The following PDE7B variants were observed in gnomAD, a reference collection of about 807,000 sequenced individuals.
The protein encoded by PDE7B is 3',5'-cyclic-AMP phosphodiesterase 7B.
Under a neutral mutation model 56.2 loss-of-function variants are expected in PDE7B, and 29 were observed. The ratio of observed to expected loss-of-function variants is 0.52; its 90% CI spans 0.38 to 0.70. The LOEUF is 0.70. Among genes scored for constraint, PDE7B ranks in the 30% least tolerant of loss-of-function variants. The pLI is 0.00. For missense variants in PDE7B, 490 were observed against 565.0 expected, an observed-to-expected ratio of 0.87 and a Z score of 1.35; for synonymous variants, 197 against 196.9, an observed-to-expected ratio of 1.00 and a Z score of 0.00.
chr6:136,078,689 C>T (rs921191004), intron 2 of PDE7B, among the ~76,000 whole-genome samples: 5 of 151,922 alleles, frequency 3.3e-5, no homozygotes, highest in Admixed American at 6.6e-5. Flanking sequence ...AAAAACCTGC[C>T]GTCTCCTAAA....
intron 2 of PDE7B, among the ~76,000 whole-genome samples, chr6:136,011,227 G>A (rs1453676973): frequency 6.6e-6 from 1 of 152,074 alleles, no homozygotes; most frequent in Non-Finnish European, 1.5e-5. Flanking sequence ...TTATAGCAGA[G>A]ATCAGGGTAT....
At chr6:135,935,406 T>A (rs1448996149) in intron 1 of PDE7B, among the ~76,000 whole-genome samples, 1 of 151,218 alleles carries the variant, frequency 6.6e-6, no homozygotes, top group African/African-American at 2.4e-5. Flanking sequence ...TAATCTGAAC[T>A]AATTTAAGTA....
intron 1 of PDE7B, among the ~76,000 whole-genome samples, chr6:135,922,938 G>A (rs1300459574): frequency 6.6e-6 from 1 of 152,080 alleles, no homozygotes; most frequent in Non-Finnish European, 1.5e-5. Context: ...ATTTGGCTGT[G>A]TTCTATCTTT....
intron 2 of PDE7B, among the ~76,000 whole-genome samples, chr6:136,026,371 C>T (rs1288333403): frequency 6.6e-6 from 1 of 152,174 alleles, no homozygotes; most frequent in Non-Finnish European, 1.5e-5. Flanking sequence ...ATCCACCCTG[C>T]TGGTCACAGT....
At chr6:136,054,977 C>G (rs188687095) in intron 2 of PDE7B, among the ~76,000 whole-genome samples, 1 of 152,318 alleles carries the variant, frequency 6.6e-6, no homozygotes, top group African/African-American at 2.4e-5. Flanking sequence ...CCCACCAGGT[C>G]CCTCCCAAAA....
intron 2 of PDE7B, among the ~76,000 whole-genome samples, chr6:135,975,268 A>C (rs1005781989): frequency 1.3e-5 from 2 of 152,108 alleles, no homozygotes; most frequent in African/African-American, 4.8e-5. Flanking sequence ...CAGCAAGTTC[A>C]CCAGGCCACT....
intron 2 of PDE7B, among the ~76,000 whole-genome samples, chr6:136,030,555 T>C (rs1776231308): frequency 6.6e-6 from 1 of 152,236 alleles, no homozygotes; most frequent in South Asian, 2.1e-4. Context: ...TACAGCACCA[T>C]GAATGCCTGC....
At chr6:136,143,014 G>A (rs572154780) in intron 3 of PDE7B, among the ~76,000 whole-genome samples, 1 of 152,162 alleles carries the variant, frequency 6.6e-6, no homozygotes, top group East Asian at 1.9e-4. Flanking sequence ...TGGTTATTTT[G>A]CCCGTTAGTT....
chr6:136,060,073 A>G (rs1776811649), intron 2 of PDE7B, among the ~76,000 whole-genome samples: 1 of 152,216 alleles, frequency 6.6e-6, no homozygotes, highest in African/African-American at 2.4e-5. Context: ...ATCTTGAAAA[A>G]TTGGAAGACA....
At chr6:136,117,631 A>T (rs1777861718) in intron 3 of PDE7B, among the ~76,000 whole-genome samples, 1 of 152,212 alleles carries the variant, frequency 6.6e-6, no homozygotes, top group Admixed American at 6.5e-5. Context: ...CCCAAGAAGA[A>T]GGTGGCCAAT....
chr6:136,141,162 G>T (rs947327636), intron 3 of PDE7B, among the ~76,000 whole-genome samples: 8 of 152,158 alleles, frequency 5.3e-5, no homozygotes, highest in Non-Finnish European at 1.2e-4. Context: ...TTTATTGAGA[G>T]TTTTTAGCAT....
chr6:136,109,732 A>C (rs931529704), intron 3 of PDE7B, among the ~76,000 whole-genome samples: 2 of 152,168 alleles, frequency 1.3e-5, no homozygotes, highest in African/African-American at 4.8e-5. Flanking sequence ...TTTCTTTGCA[A>C]ACCCAAACCA....
chr6:136,028,928 T>C (rs56172380), intron 2 of PDE7B, among the ~76,000 whole-genome samples: 12,389 of 152,314 alleles, frequency 0.081, 670 homozygotes, highest in Non-Finnish European at 0.12. Flanking sequence ...TAATGTCAGA[T>C]GCATCTGACA....
chr6:135,941,497 C>T (rs1253369149), intron 1 of PDE7B, among the ~76,000 whole-genome samples: 1 of 152,202 alleles, frequency 6.6e-6, no homozygotes, highest in Admixed American at 6.5e-5. Context: ...CTCAGTGATG[C>T]TTCCTAGTTT....
intron 2 of PDE7B, among the ~76,000 whole-genome samples, chr6:135,971,364 T>C (rs1272825637): frequency 2.6e-5 from 4 of 152,094 alleles, no homozygotes; most frequent in African/African-American, 7.2e-5. Context: ...AGAAAATAAA[T>C]GTATGTTGTT....
intron 2 of PDE7B, among the ~76,000 whole-genome samples, chr6:136,032,724 G>A (rs1311993953): frequency 1.3e-5 from 2 of 152,154 alleles, no homozygotes; most frequent in African/African-American, 4.8e-5. Flanking sequence ...CAAAATTTGT[G>A]TTTAATGAAC....
chr6:136,178,459 C>A lies in PDE7B; in HGVS notation c.804-538C>A, dbSNP rs1283759230. On this transcript the variant is annotated intron_variant, in intron 9 of 12. Coordinates refer to ENST00000308191, the MANE Select transcript of PDE7B (RefSeq NM_018945.4). Reference sequence around the variant, plus strand: ...TTTGTTGACTAATATATCTCTTGCCCACTGGTTTGTAACAGTGCCTTAATT... The same window carrying A: ...TTTGTTGACTAATATATCTCTTGCCAACTGGTTTGTAACAGTGCCTTAATT... 2.0e-5 allele frequency among the ~76,000 whole-genome samples: 3 copies of A among 152,154 alleles called. No individual in the cohort carries two copies. The East Asian group carries it at 5.8e-4, about 29-fold the overall frequency.
At chr6:136,038,310 ATT>A in intron 2 of PDE7B, 1 of 1,293,846 alleles carries the variant, frequency 7.7e-7, no homozygotes, top group East Asian at 5.5e-5. Context: ...CTAGAGCGAT[ATT>A]TCCACCCAGC....
chr6:136,018,752 T>G (rs897543300), intron 2 of PDE7B, among the ~76,000 whole-genome samples: 1 of 151,968 alleles, frequency 6.6e-6, no homozygotes, highest in Admixed American at 6.5e-5. Flanking sequence ...TTTTGTTAAA[T>G]ATATTTATAT....
Sources: allele counts gnomAD v4.1 joint callset (sites outside exome capture counted in the v4.1 genomes callset), GRCh38; gene constraint gnomAD v4.1.1; transcripts MANE v1.5; gene names NCBI Gene and HGNC (gene_info 2026-07-23, HGNC 2026-07-21).